Variants in PDE5A observed in about 807,000 individuals in gnomAD.
PDE5A encodes the protein phosphodiesterase 5A, also known as cGMP-specific 3',5'-cyclic phosphodiesterase.
In PDE5A, 67 loss-of-function variants were observed where a neutral mutation model predicts 110.2. That is an observed-to-expected ratio of 0.61 (90% CI 0.50 to 0.75). PDE5A has a LOEUF of 0.75. Among genes scored for constraint, PDE5A ranks in the 30% least tolerant of loss-of-function variants. PDE5A has a pLI of 0.00. For synonymous variants in PDE5A, 328 were observed against 351.2 expected (o/e 0.93, Z 0.74); for missense variants, 862 against 1,045.1 (o/e 0.82, Z 2.42).
At chr4:119,503,001 C>CCTCT (rs1725416634) in intron 18 of PDE5A, among the ~76,000 whole-genome samples, 1 of 152,072 alleles carries the variant, frequency 6.6e-6, no homozygotes, top group Non-Finnish European at 1.5e-5. Flanking sequence ...CACATTCTTC[C>CCTCT]CTCTTCTATT....
At chr4:119,520,030 G>GA (rs755195445) in intron 13 of PDE5A, among the ~76,000 whole-genome samples, 1 of 151,974 alleles carries the variant, frequency 6.6e-6, no homozygotes, top group Non-Finnish European at 1.5e-5. Context: ...TCCAAAGTCT[G>GA]AAAAAAATCT....
intron 3 of PDE5A, among the ~76,000 whole-genome samples, chr4:119,573,235 A>T (rs1728202493): frequency 6.6e-6 from 1 of 152,180 alleles, no homozygotes; most frequent in Non-Finnish European, 1.5e-5. Context: ...TCTTGTGCAC[A>T]TGTGCAGCAA....
chr4:119,503,463 A>T (rs894914948), intron 18 of PDE5A, among the ~76,000 whole-genome samples: 3 of 152,020 alleles, frequency 2.0e-5, no homozygotes, highest in Non-Finnish European at 4.4e-5. Flanking sequence ...TACATCTACA[A>T]GCCCCAGAAA....
At chr4:119,599,445 G>C (rs1032456443) in intron 2 of PDE5A, among the ~76,000 whole-genome samples, 14 of 151,912 alleles carry the variant, frequency 9.2e-5, no homozygotes, top group Non-Finnish European at 1.9e-4. Flanking sequence ...GAAAAATATA[G>C]TAATAACTTC....
chr4:119,530,156 G>T (rs1252970043), intron 11 of PDE5A, among the ~76,000 whole-genome samples: 2 of 152,162 alleles, frequency 1.3e-5, no homozygotes, highest in African/African-American at 2.4e-5. Context: ...TGTGGACCCA[G>T]TGGTGACTGC....
rs1727703433 is a variant in PDE5A, at chr4:119,560,304, T to C, written c.1191A>G (p.Thr397=). 1 of 1,575,112 alleles carries C rather than the reference T, an allele frequency of 6.3e-7. No homozygotes were observed. The highest frequency in any genetic ancestry group is 1.8e-5 in the Admixed American group (1 of 56,922). ...ECEELEKSSD[T]LTREHDANKI... Reference sequence around the variant, plus strand: ...AGAATACGTGCTTTTACCTTGTTAATGTATCAGATGATTTTTCTAATTCCT... The same window carrying C: ...AGAATACGTGCTTTTACCTTGTTAACGTATCAGATGATTTTTCTAATTCCT... Residue 397 remains threonine, a synonymous_variant, in exon 7 of 21, where the codon ACA becomes ACG. Coordinates refer to ENST00000354960, the MANE Select transcript of PDE5A (RefSeq NM_001083.4).
chr4:119,564,732 A>G (rs1329981422), intron 5 of PDE5A, among the ~76,000 whole-genome samples: 1 of 152,188 alleles, frequency 6.6e-6, no homozygotes, highest in African/African-American at 2.4e-5. Context: ...CAACATTTAC[A>G]TAATTATAGT....
At chr4:119,624,190 T>C (rs1461194098) in intron 1 of PDE5A, among the ~76,000 whole-genome samples, 1 of 152,178 alleles carries the variant, frequency 6.6e-6, no homozygotes, top group Non-Finnish European at 1.5e-5. Flanking sequence ...GGGTCAATGC[T>C]CAGAGGGTTT....
At chr4:119,517,499 C>G (rs1241451480) in intron 14 of PDE5A, among the ~76,000 whole-genome samples, 1 of 142,972 alleles carries the variant, frequency 7.0e-6, no homozygotes, top group Admixed American at 7.0e-5. Flanking sequence ...ACTGCTTTAA[C>G]TTTTTTTTTT....
At chr4:119,602,134 T>G (rs961831325) in intron 2 of PDE5A, among the ~76,000 whole-genome samples, 1 of 152,120 alleles carries the variant, frequency 6.6e-6, no homozygotes, top group Admixed American at 6.5e-5. Context: ...ATAATAGTAT[T>G]CTATCAATAT....
At chr4:119,502,921 C>CCTT (rs1158196668) in intron 18 of PDE5A, among the ~76,000 whole-genome samples, 4 of 152,012 alleles carry the variant, frequency 2.6e-5, no homozygotes, top group African/African-American at 9.6e-5. Flanking sequence ...ATGTTTTCTT[C>CCTT]ATTTATTTTC....
At chr4:119,507,728 A>AATACTGGTT in intron 15 of PDE5A, 24 bp from the exon 16 acceptor site, 1 of 1,466,492 alleles carries the variant, frequency 6.8e-7, no homozygotes. Context: ...GAAAACCAGT[A>AATACTGGTT]TTAACATCCT....
chr4:119,545,560 C>T (rs1337643508), intron 9 of PDE5A, among the ~76,000 whole-genome samples: 1 of 152,116 alleles, frequency 6.6e-6, no homozygotes, highest in Admixed American at 6.6e-5. Context: ...ATCAGTGTTA[C>T]CTAATATTAT....
intron 11 of PDE5A, chr4:119,527,336 G>A (rs971074601): frequency 6.6e-6 from 1 of 152,062 alleles, no homozygotes; most frequent in Non-Finnish European, 1.5e-5. Context: ...ACCCAGTGGG[G>A]ACATGCAAAC....
intron 1 of PDE5A, among the ~76,000 whole-genome samples, chr4:119,616,119 T>C (rs1729935191): frequency 6.6e-6 from 1 of 152,312 alleles, no homozygotes; most frequent in Non-Finnish European, 1.5e-5. Context: ...TAGTTTTGCT[T>C]TTAAACTTTT....
At chr4:119,599,983 T>C (rs1448705310) in intron 2 of PDE5A, among the ~76,000 whole-genome samples, 2 of 152,106 alleles carry the variant, frequency 1.3e-5, no homozygotes, top group Non-Finnish European at 2.9e-5. Flanking sequence ...AGAAAACTAC[T>C]ATCAACTGAT....
Position 119,522,894 on chromosome 4 carries a change from A to T in PDE5A, c.1780-1834T>A, listed in dbSNP as rs542132395. On this transcript the variant is annotated intron_variant, in intron 12 of 20. Transcript: ENST00000354960. ...TCTACAGAGCATGTTCAATACGTTG[A>T]ATCAGTCTCTAACAATTATGGAAGG... 3.3e-5 allele frequency among the ~76,000 whole-genome samples: 5 copies of T among 152,182 alleles called. No individual in the cohort carries two copies. In the South Asian group the frequency reaches 1.0e-3, roughly 32 times the overall value.
chr4:119,599,001 T>C (rs952247598), intron 2 of PDE5A, among the ~76,000 whole-genome samples: 51 of 152,210 alleles, frequency 3.4e-4, no homozygotes, highest in African/African-American at 1.2e-3. Context: ...TTGGAGACAA[T>C]GGAGTTCCAG....
At position 119,530,337 on chromosome 4, in the gene PDE5A, G is replaced by A. The variant is rs575121493; in HGVS notation, c.1633-4642C>T. ...TTCCTAAAACAGCCTATTTCTTGTAGTACTGATGTAGCCAAAACCCAAGTG... is the reference window on the plus strand; with the variant it reads ...TTCCTAAAACAGCCTATTTCTTGTAATACTGATGTAGCCAAAACCCAAGTG... On this transcript the variant is annotated intron_variant, in intron 11 of 20. Coordinates refer to ENST00000354960, the MANE Select transcript of PDE5A (RefSeq NM_001083.4). 4.6e-5 allele frequency among the ~76,000 whole-genome samples: 7 copies of A among 152,184 alleles called. No individual in the cohort carries two copies. The East Asian group carries it at 1.2e-3, about 25-fold the overall frequency.
Sources: gnomAD v4.1 joint callset for allele counts (sites outside exome capture counted in the v4.1 genomes callset) on GRCh38, gnomAD v4.1.1 for gene constraint, MANE v1.5 for transcripts, NCBI Gene and HGNC (gene_info 2026-07-23, HGNC 2026-07-21) for gene names.